The following CBARP variants were observed in gnomAD, a reference collection of about 807,000 sequenced individuals.
The protein encoded by CBARP is voltage-dependent calcium channel beta subunit-associated regulatory protein.
Under a neutral mutation model 36.3 loss-of-function variants are expected in CBARP, and 24 were observed. The ratio of observed to expected loss-of-function variants is 0.66; its 90% CI spans 0.48 to 0.93. The LOEUF (loss-of-function observed/expected upper bound fraction) is 0.93. CBARP is among the 40% of genes least tolerant of loss of function. The pLI is 0.00. For synonymous variants in CBARP, 586 were observed against 453.2 expected, an observed-to-expected ratio of 1.29 and a Z score of -3.72; for missense variants, 1,146 against 980.4, an observed-to-expected ratio of 1.17 and a Z score of -2.26.
intron 8 of CBARP, 79 bp downstream of exon 8, chr19:1,233,347 T>TACTGGATGTCCAGGGCAGCC: frequency 7.3e-7 from 1 of 1,376,736 alleles, no homozygotes; most frequent in African/African-American, 1.4e-5. Flanking sequence ...AACCTCCTGC[T>TACTGGATGTCCAGGGCAGCC]CCTGGATGTC....
intron 1 of CBARP, 44 bp from the exon 2 acceptor site, chr19:1,236,165 C>T (rs2080969951): frequency 1.1e-5 from 15 of 1,361,274 alleles, no homozygotes; most frequent in African/African-American, 1.7e-5. Flanking sequence ...ACCTACTTCT[C>T]CTGCAGGAGC....
Position 1,229,588 on chromosome 19 carries a change from C to A in CBARP, c.1709G>T (p.Arg570Leu). ...FDDTPAAARH[R>L]ARAHPHARKQ... ...GCGGGCGTGCGGGTGCGCGCGGGCG[C>A]GGTGTCGCGCGGCAGCCGGCGTGTC... Residue 570 changes from arginine to leucine, a missense_variant, in exon 10 of 10, where the codon CGC (arginine) becomes CTC (leucine). Transcript: ENST00000650044. This position sits in a 1 kb window ranked among gnomAD's most constrained non-coding sequence, Gnocchi z 5.1. 8.5e-7 allele frequency: 1 copy of A among 1,181,176 alleles called. No homozygotes were observed. The highest frequency in any genetic ancestry group is 3.9e-5 in the Admixed American group (1 of 25,866). The allele number at this position is 1,181,176 out of a possible 1,614,324, so 73.2% of individuals were successfully genotyped here. A position where few individuals can be genotyped will look rare whatever the true frequency, so the allele number is the denominator to read the frequency against.
intron 8 of CBARP, among the ~76,000 whole-genome samples, chr19:1,232,301 C>T (rs946356600): frequency 2.6e-5 from 4 of 152,134 alleles, no homozygotes; most frequent in Admixed American, 1.3e-4. Flanking sequence ...CCCCTAGCTA[C>T]CTTGGGGGTG....
chr19:1,235,520 G>A lies in CBARP; in HGVS notation c.291C>T (p.Asn97=), dbSNP rs553838252. ...CCTCACCTTGGGCTGGGTGGGTGCC[G>A]TTGTCCAGGTAGGTGGTGGTGGTCT... ...AEKTTTTYLD[N]GTHPAQDPDF... Residue 97 remains asparagine, a synonymous_variant, in exon 4 of 10, where the codon AAC becomes AAT. Transcript: ENST00000650044. The A allele has an allele frequency of 1.0e-4, 163 of 1,602,168 alleles. No individual in the cohort carries two copies. Among genetic ancestry groups the A allele is most frequent in the South Asian group, 5.9e-4 (53 of 89,200 alleles).
chr19:1,233,790 AGG>A (rs2145453834), intron 7 of CBARP, among the ~76,000 whole-genome samples, 154 bp from the exon 8 acceptor site: 1 of 152,178 alleles, frequency 6.6e-6, no homozygotes, highest in East Asian at 1.9e-4. Context: ...AAGCGGGAGG[AGG>A]GGCGCTCAGT....
chr19:1,230,023 G>A lies in CBARP; in HGVS notation c.1274C>T (p.Ala425Val), dbSNP rs551972852. ...PPLEPDAERD[A>V]GPEQAQTSYR... ...GCTGGTCTGGGCCTGCTCGGGGCCCGCGTCCCGCTCGGCGTCCGGCTCCAG... is the reference window on the plus strand; with the variant it reads ...GCTGGTCTGGGCCTGCTCGGGGCCCACGTCCCGCTCGGCGTCCGGCTCCAG... The change falls in exon 10 of 10, where the codon GCG becomes GTG. Residue 425 changes from alanine (A) to valine (V), a missense_variant. Physicochemically the swap from Ala to Val is moderately conservative, Grantham distance 64. Coordinates refer to ENST00000650044, the MANE Select transcript of CBARP (RefSeq NM_001393918.1). 20 of 1,230,538 alleles carry A rather than the reference G, an allele frequency of 1.6e-5. No individual in the cohort carries two copies. In the African/African-American group the frequency reaches 2.9e-4, roughly 18 times the overall value. The allele number at this position is 1,230,538 out of a possible 1,614,324, so 76.2% of individuals were successfully genotyped here.
At position 1,234,608 on chromosome 19, in the gene CBARP, G is replaced by A. The variant is rs754155439; in HGVS notation, c.590C>T (p.Pro197Leu). Residue 197 changes from proline (P) to leucine (L), a missense_variant, in exon 6 of 10, where the codon CCG (proline) becomes CTG (leucine). Physicochemically the swap from Pro to Leu is moderately conservative, Grantham distance 98. Transcript: ENST00000650044. ...CAGAGTGGCCTTGGGAGAGGTGGCC[G>A]GGTGGGGCGTGGTGGCTGAGCTGGC... ...GEASSATTPH[P>L]ATSPKATLAI... 12 of 1,608,530 alleles carry A rather than the reference G, an allele frequency of 7.5e-6. No homozygotes were observed. The highest frequency in any genetic ancestry group is 3.4e-5 in the Admixed American group (2 of 59,276).
chr19:1,234,145 G>A, intron 7 of CBARP, 46 bp downstream of exon 7: 1 of 1,443,862 alleles, frequency 6.9e-7, no homozygotes, highest in Non-Finnish European at 9.1e-7. Flanking sequence ...AGGGGAAGGA[G>A]CCTCCCCGGC....
intron 8 of CBARP, 64 bp downstream of exon 8, chr19:1,233,362 G>A: frequency 6.9e-7 from 1 of 1,452,336 alleles, no homozygotes; most frequent in Non-Finnish European, 9.3e-7. Flanking sequence ...GATGTCCAGG[G>A]CAGCCCCTGG....
rs1324036529 is a variant in CBARP, at chr19:1,234,797, G to A, written c.456-55C>T. ...CCCACCTCCCATGCCCGATGCCCCA[G>A]CTGCCGTGCTCTGCCATCCACCCTG... On this transcript the variant is annotated intron_variant, in intron 5 of 9. Coordinates refer to ENST00000650044, the MANE Select transcript of CBARP (RefSeq NM_001393918.1). The A allele has an allele frequency of 3.2e-6, 5 of 1,573,234 alleles. No homozygotes were observed. The South Asian group carries it at 5.8e-5, about 18-fold the overall frequency.
chr19:1,235,366 G>C (rs2080953539), intron 4 of CBARP, 135 bp downstream of exon 4: 2 of 1,133,032 alleles, frequency 1.8e-6, no homozygotes, highest in Non-Finnish European at 2.4e-6. Context: ...AAACAGAGAT[G>C]AGTCGGAATC....
chr19:1,230,780 T>C, intron 9 of CBARP: 2 of 1,347,188 alleles, frequency 1.5e-6, no homozygotes, highest in South Asian at 2.0e-5. Flanking sequence ...GGGGCGGGGG[T>C]GGGAGAGGGC....
rs1488099623 is a variant in CBARP at position 1,229,265 on chromosome 19, A to G, written c.2032T>C (p.Phe678Leu). 1 of 1,251,406 alleles carries G rather than the reference A, an allele frequency of 8.0e-7. No homozygotes were observed. Among genetic ancestry groups the G allele is most frequent in the African/African-American group, 1.6e-5 (1 of 61,728 alleles). 77.5% of individuals were successfully genotyped at this position (1,251,406 alleles called of 1,614,324 possible). ...KLAAGLDERL[F>L]PPRLAEPVVA... The stretch of plus-strand genomic sequence containing the variant: ...ACGGGCTCGGCGAGGCGCGGCGGAA[A>G]GAGTCTCTCGTCGAGGCCAGCCGCC... The change falls in exon 10 of 10, where the codon TTT (phenylalanine) becomes CTT (leucine). Residue 678 changes from phenylalanine to leucine, a missense_variant. Phe to Leu is a conservative substitution (Grantham distance 22). Transcript: ENST00000650044. This position sits in a 1 kb window ranked among gnomAD's most constrained non-coding sequence, Gnocchi z 5.1.
At chr19:1,233,233 C>T (rs775581100) in intron 8 of CBARP, among the ~76,000 whole-genome samples, 193 bp downstream of exon 8, 13 of 152,222 alleles carry the variant, frequency 8.5e-5, no homozygotes, top group African/African-American at 2.9e-4. Context: ...TCAGGCCGCC[C>T]GCACACTCAG....
chr19:1,231,299 CG>C, intron 8 of CBARP, 24 bp from the exon 9 acceptor site: 1 of 1,591,976 alleles, frequency 6.3e-7, no homozygotes, highest in Non-Finnish European at 8.5e-7. Flanking sequence ...GTGCCGTAAG[CG>C]TCAGCCGGCA....
At chr19:1,237,413 G>A (rs1002462696) in intron 1 of CBARP, among the ~76,000 whole-genome samples, 14 of 152,144 alleles carry the variant, frequency 9.2e-5, no homozygotes, top group African/African-American at 3.4e-4. Context: ...GGGGGAGGCG[G>A]CTGCGGGAGC....
chr19:1,230,959 TC>T (rs748578658), intron 9 of CBARP, 141 bp downstream of exon 9: 31 of 1,572,064 alleles, frequency 2.0e-5, no homozygotes, highest in Non-Finnish European at 2.6e-5. Flanking sequence ...TGAGTCCGCC[TC>T]TGGGAGGGGC....
intron 9 of CBARP, chr19:1,230,576 A>G (rs2080876819): frequency 2.6e-6 from 3 of 1,144,016 alleles, no homozygotes; most frequent in South Asian, 7.5e-5. Flanking sequence ...CAGTGCACAG[A>G]CGTGAGGGTC....
rs1399291528 is a variant in CBARP at position 1,231,256 on chromosome 19, G to A, written c.999C>T (p.His333=). Residue 333 remains histidine, a synonymous_variant, in exon 9 of 10, where the codon CAC becomes CAT. Transcript: ENST00000650044. ...LDTRGSPKRH[H]FQRQRAASES... ...CACTGGCTGCCCGCTGCCGCTGGAAGTGGTGCCGCTTGGGGGAACCTGCGC... is the reference window on the plus strand; with the variant it reads ...CACTGGCTGCCCGCTGCCGCTGGAAATGGTGCCGCTTGGGGGAACCTGCGC... 3.1e-6 allele frequency: 5 copies of A among 1,601,278 alleles called. No homozygotes were observed. The highest frequency in any genetic ancestry group is 1.3e-5 in the African/African-American group (1 of 74,876).
Sources: gnomAD v4.1 joint callset for allele counts (sites outside exome capture counted in the v4.1 genomes callset) on GRCh38, gnomAD v4.1.1 for gene constraint, Gnocchi (gnomAD v3.1) non-coding constraint, MANE v1.5 for transcripts, NCBI Gene and HGNC (gene_info 2026-07-23, HGNC 2026-07-21) for gene names.